Variants in TDRD3 observed in about 807,000 individuals in gnomAD.
TDRD3 encodes tudor domain-containing protein 3.
A neutral mutation model predicts 86.7 loss-of-function variants in TDRD3; 45 were observed. That is an observed-to-expected ratio of 0.52 (90% CI 0.41 to 0.67). TDRD3 has a LOEUF of 0.67. TDRD3 is among the 30% of genes least tolerant of loss of function. The pLI is 0.00. For missense variants in TDRD3, 814 were observed against 889.0 expected, an observed-to-expected ratio of 0.92 and a Z score of 1.07; for synonymous variants, 298 against 301.7, an observed-to-expected ratio of 0.99 and a Z score of 0.13.
chr13:60,509,494 A>C (rs938128918), intron 8 of TDRD3: 1 of 342,270 alleles, frequency 2.9e-6, no homozygotes, highest in Non-Finnish European at 5.4e-6. Flanking sequence ...TTCAAAGGCC[A>C]TACTCTAACA....
rs1953947063 is a variant in TDRD3, at chr13:60,397,345, C to T, written c.-20C>T. ...CACCCCCACCCCAGCCCCCCACCAC[C>T]CCCGGCCTAAGCAGCTACCATGGCC... On this transcript the variant is annotated 5_prime_UTR_variant, in exon 1 of 14. Transcript: ENST00000377881. 2.7e-6 allele frequency: 4 copies of T among 1,477,482 alleles called. No individual in the cohort carries two copies. Among genetic ancestry groups the T allele is most frequent in the African/African-American group, 1.4e-5 (1 of 69,670 alleles). The allele number at this position is 1,477,482 out of a possible 1,614,324, so 91.5% of individuals were successfully genotyped here. A position where few individuals can be genotyped will look rare whatever the true frequency, so the allele number is the denominator to read the frequency against.
chr13:60,551,315 G>A (rs1958048165), intron 12 of TDRD3, among the ~76,000 whole-genome samples: 2 of 152,174 alleles, frequency 1.3e-5, no homozygotes, highest in Non-Finnish European at 2.9e-5. Flanking sequence ...ATTATTGTGA[G>A]GAACATAATA....
In TDRD3 at chr13:60,444,738, A is replaced by G. The variant is rs1188620527; in HGVS notation, c.182A>G (p.Lys61Arg). 1 of 1,479,906 alleles carries G rather than the reference A, an allele frequency of 6.8e-7. No homozygotes were observed. The allele number at this position is 1,479,906 out of a possible 1,614,324, so 91.7% of individuals were successfully genotyped here. ...CTCCCCAGTGACATCAATAGTGGAA[A>G]GGTAGAAAAGGTAAAGAAAATCAAT... ...KFLPSDINSG[K>R]VEKLEGPCVL... Residue 61 changes from lysine to arginine, a missense_variant, in exon 3 of 14, where the codon AAG becomes AGG. Coordinates refer to ENST00000377881, the MANE Select transcript of TDRD3 (RefSeq NM_001146070.2).
chr13:60,485,087 G>A (rs376412425), intron 6 of TDRD3, among the ~76,000 whole-genome samples: 3 of 152,012 alleles, frequency 2.0e-5, no homozygotes, highest in African/African-American at 7.2e-5. Flanking sequence ...GTATTTATTG[G>A]TGTCAATATG....
chr13:60,534,997 T>G, intron 11 of TDRD3, 111 bp from the exon 12 acceptor site: 1 of 1,269,546 alleles, frequency 7.9e-7, no homozygotes, highest in Non-Finnish European at 1.1e-6. Flanking sequence ...GTAAGTTTCC[T>G]TCTAAAGAAT....
intron 5 of TDRD3, among the ~76,000 whole-genome samples, chr13:60,478,800 A>AAT (rs1404977475): frequency 8.3e-6 from 1 of 120,450 alleles, no homozygotes; most frequent in Non-Finnish European, 1.8e-5. Flanking sequence ...TAATTTGAGG[A>AAT]CTTTTTTTTT....
At chr13:60,470,008 C>G (rs970166103) in intron 5 of TDRD3, among the ~76,000 whole-genome samples, 1 of 152,216 alleles carries the variant, frequency 6.6e-6, no homozygotes, top group Non-Finnish European at 1.5e-5. Flanking sequence ...TCTTCCCAAA[C>G]TTAAACTCTG....
intron 8 of TDRD3, among the ~76,000 whole-genome samples, chr13:60,509,235 T>G (rs1186106497): frequency 6.6e-6 from 1 of 152,158 alleles, no homozygotes; most frequent in African/African-American, 2.4e-5. Context: ...GTAGATTTTC[T>G]TATTGGGGTA....
intron 4 of TDRD3, among the ~76,000 whole-genome samples, chr13:60,461,534 T>C (rs1594961759): frequency 1.3e-5 from 2 of 152,168 alleles, no homozygotes; most frequent in East Asian, 3.9e-4. Flanking sequence ...GTCTTCTTTG[T>C]CATTTTATAC....
At position 60,400,653 on chromosome 13, in the gene TDRD3, G is replaced by A. The variant is rs546780184; in HGVS notation, c.41+3248G>A. ...CTGGTGAGGCTGAGGCAGGAGAATCGCTTGAACCCAGGAGGCGGAGGTTGC... is the reference window on the plus strand; with the variant it reads ...CTGGTGAGGCTGAGGCAGGAGAATCACTTGAACCCAGGAGGCGGAGGTTGC... On this transcript the variant is annotated intron_variant, in intron 1 of 13. Coordinates refer to ENST00000377881, the MANE Select transcript of TDRD3 (RefSeq NM_001146070.2). Among the ~76,000 whole-genome samples, 17 of 151,694 alleles carry A rather than the reference G, an allele frequency of 1.1e-4. 1 individual carries two copies. In the South Asian group the frequency reaches 2.5e-3, roughly 22 times the overall value.
At chr13:60,444,846 G>T (rs1594941237) in intron 3 of TDRD3, 98 bp downstream of exon 3, 2 of 608,694 alleles carry the variant, frequency 3.3e-6, no homozygotes, top group East Asian at 3.5e-5. Flanking sequence ...GACTGCAATT[G>T]CAAAATACTC....
At position 60,516,774 on chromosome 13, in the gene TDRD3, T is replaced by C. The variant is rs117453619; in HGVS notation, c.1141+6019T>C. 9.6e-4 allele frequency among the ~76,000 whole-genome samples: 147 copies of C among 152,358 alleles called. 2 individuals are homozygous for C. The East Asian group carries it at 0.023, about 24-fold the overall frequency. ...GCAACAGCATCCTCCACTCACCATG[T>C]ATCATTTCCACCTTCACTGCCCTAC... On this transcript the variant is annotated intron_variant, in intron 10 of 13. Coordinates refer to ENST00000377881, the MANE Select transcript of TDRD3 (RefSeq NM_001146070.2).
At chr13:60,539,715 A>G (rs1372484858) in intron 12 of TDRD3, among the ~76,000 whole-genome samples, 1 of 151,894 alleles carries the variant, frequency 6.6e-6, no homozygotes, top group Non-Finnish European at 1.5e-5. Flanking sequence ...TTACCTTTTC[A>G]AATTCAAATA....
At chr13:60,456,489 AT>A (rs1955673309) in intron 3 of TDRD3, among the ~76,000 whole-genome samples, 1 of 152,182 alleles carries the variant, frequency 6.6e-6, no homozygotes, top group African/African-American at 2.4e-5. Flanking sequence ...AGCCACTAAA[AT>A]TTTTTAGAGT....
chr13:60,496,214 G>T (rs1410617782), intron 8 of TDRD3, among the ~76,000 whole-genome samples: 1 of 147,036 alleles, frequency 6.8e-6, no homozygotes, highest in Non-Finnish European at 1.5e-5. Flanking sequence ...TTGGAACTTG[G>T]ACTGGCTCTC....
At chr13:60,430,879 G>A (rs541181489) in intron 1 of TDRD3, among the ~76,000 whole-genome samples, 10 of 151,944 alleles carry the variant, frequency 6.6e-5, no homozygotes, top group South Asian at 2.1e-4. Context: ...TTTTAAAATC[G>A]TCATGCTGTA....
intron 7 of TDRD3, among the ~76,000 whole-genome samples, chr13:60,494,021 A>C (rs925526619): frequency 1.3e-5 from 2 of 152,212 alleles, no homozygotes; most frequent in Non-Finnish European, 2.9e-5. Context: ...CAATCATAAT[A>C]CTGAACTATG....
At chr13:60,444,456 C>T (rs1566195751) in intron 2 of TDRD3, among the ~76,000 whole-genome samples, 1 of 151,758 alleles carries the variant, frequency 6.6e-6, no homozygotes, top group Non-Finnish European at 1.5e-5. Context: ...AGAAATATGA[C>T]CAGGATTAAG....
chr13:60,403,134 A>ATT (rs11393806), intron 1 of TDRD3, among the ~76,000 whole-genome samples: 160 of 146,170 alleles, frequency 1.1e-3, no homozygotes, highest in East Asian at 6.4e-3. Context: ...GTTTGCAGTG[A>ATT]TTTTTTTTTT....
Sources: allele counts gnomAD v4.1 joint callset (sites outside exome capture counted in the v4.1 genomes callset), GRCh38; gene constraint gnomAD v4.1.1; transcripts MANE v1.5; gene names NCBI Gene and HGNC (gene_info 2026-07-23, HGNC 2026-07-21).